The following PCDHA13 variants were observed in gnomAD, a reference collection of about 807,000 sequenced individuals.
The protein encoded by PCDHA13 is protocadherin alpha 13.
A neutral mutation model predicts 64.8 loss-of-function variants in PCDHA13; 54 were observed. The observed-to-expected ratio is 0.83, with a 90% CI of 0.67 to 1.04. The LOEUF (loss-of-function observed/expected upper bound fraction) is 1.04. Ranked by LOEUF, PCDHA13 falls within the 50% of genes least tolerant of loss-of-function variation. PCDHA13 has a pLI of 0.00. For synonymous variants in PCDHA13, 587 were observed against 564.4 expected, an observed-to-expected ratio of 1.04 and a Z score of -0.57; for missense variants, 1,248 against 1,254.3, an observed-to-expected ratio of 0.99 and a Z score of 0.08.
At chr5:140,951,723 A>G (rs1364455679) in intron 1 of PCDHA13, among the ~76,000 whole-genome samples, 3 of 152,104 alleles carry the variant, frequency 2.0e-5, no homozygotes, top group Non-Finnish European at 4.4e-5. Flanking sequence ...GATCCAAACC[A>G]TGTCATTCTG....
intron 1 of PCDHA13, among the ~76,000 whole-genome samples, chr5:140,888,838 A>G (rs2061999996): frequency 6.6e-6 from 1 of 152,078 alleles, no homozygotes; most frequent in East Asian, 1.9e-4. Flanking sequence ...ACTCCACTGC[A>G]GCCTGGTGAC....
At chr5:140,988,634 T>G (rs1405160822) in intron 3 of PCDHA13, among the ~76,000 whole-genome samples, 1 of 152,218 alleles carries the variant, frequency 6.6e-6, no homozygotes, top group Non-Finnish European at 1.5e-5. Flanking sequence ...GTCCTGGTTT[T>G]CTGAAATTAA....
intron 1 of PCDHA13, among the ~76,000 whole-genome samples, chr5:140,962,617 G>A (rs189225320): frequency 3.8e-4 from 58 of 152,276 alleles, no homozygotes; most frequent in Non-Finnish European, 1.9e-4. Context: ...GAGGAAGGGA[G>A]ATGTGAAAAA....
At chr5:140,978,615 T>C in intron 1 of PCDHA13, among the ~76,000 whole-genome samples, 1 of 152,238 alleles carries the variant, frequency 6.6e-6, no homozygotes, top group East Asian at 1.9e-4. Context: ...GCAAAAGCAG[T>C]GAAAGCTTTT....
chr5:140,968,866 A>C, intron 1 of PCDHA13: 1 of 1,614,230 alleles, frequency 6.2e-7, no homozygotes, highest in Non-Finnish European at 8.5e-7. Context: ...GCCCTCGGAC[A>C]TACTCTGAAA....
chr5:140,981,974 A>G (rs782298715), intron 2 of PCDHA13, among the ~76,000 whole-genome samples: 6 of 152,232 alleles, frequency 3.9e-5, no homozygotes, highest in Non-Finnish European at 8.8e-5. Context: ...AGATATAGAA[A>G]GAGTAAAATA....
At chr5:140,941,299 TC>T (rs1554214293) in intron 1 of PCDHA13, among the ~76,000 whole-genome samples, 2 of 144,342 alleles carry the variant, frequency 1.4e-5, no homozygotes, top group African/African-American at 2.5e-5. Context: ...TTTCTTTCTT[TC>T]TTTCTTTTTC....
chr5:140,966,436 G>T, intron 1 of PCDHA13: 1 of 421,750 alleles, frequency 2.4e-6, no homozygotes. Flanking sequence ...CCCTCCTACC[G>T]CTCCCTTTCC....
chr5:140,997,614 A>T (rs1355709943), intron 3 of PCDHA13, among the ~76,000 whole-genome samples: 2 of 152,148 alleles, frequency 1.3e-5, no homozygotes, highest in African/African-American at 4.8e-5. Context: ...GCATGACTAT[A>T]TAGAGATTTT....
chr5:140,926,170 C>T lies in PCDHA13; in HGVS notation c.2394+41508C>T, dbSNP rs558750358. 2.6e-5 allele frequency among the ~76,000 whole-genome samples: 4 copies of T among 151,860 alleles called. No homozygotes were observed. In the South Asian group the frequency reaches 6.6e-4, roughly 25 times the overall value. On this transcript the variant is annotated intron_variant, in intron 1 of 3. Coordinates refer to ENST00000289272, the MANE Select transcript of PCDHA13 (RefSeq NM_018904.3). ...CGGAAAGCTCTGCAGCAGGATCCAG[C>T]GCGGAAAGCCCCCCGCAGCACTTCT...
chr5:140,893,667 A>C (rs564806011), intron 1 of PCDHA13, among the ~76,000 whole-genome samples: 4 of 152,316 alleles, frequency 2.6e-5, no homozygotes, highest in African/African-American at 9.6e-5. Flanking sequence ...AAAAAATTTC[A>C]GCACTTTGGA....
chr5:140,956,194 A>G (rs1370463281), intron 1 of PCDHA13, among the ~76,000 whole-genome samples: 1 of 152,060 alleles, frequency 6.6e-6, no homozygotes, highest in Non-Finnish European at 1.5e-5. Flanking sequence ...GCTGAATAGG[A>G]GTGGTGAAAG....
At chr5:140,903,351 A>G (rs2070226814) in intron 1 of PCDHA13, among the ~76,000 whole-genome samples, 1 of 152,236 alleles carries the variant, frequency 6.6e-6, no homozygotes, top group Non-Finnish European at 1.5e-5. Context: ...TTTAAAAAAC[A>G]AGTTTTTCAA....
chr5:140,967,786 G>A, intron 1 of PCDHA13: 1 of 1,614,216 alleles, frequency 6.2e-7, no homozygotes, highest in East Asian at 2.2e-5. Context: ...CGACTGACCG[G>A]GGTCCAGTGC....
chr5:140,882,543 G>A lies in PCDHA13; in HGVS notation c.275G>A (p.Arg92His). The A allele has an allele frequency of 6.2e-7, 1 of 1,614,236 alleles. No homozygotes were observed. The highest frequency in any genetic ancestry group is 8.5e-7 in the Non-Finnish European group (1 of 1,180,044). Residue 92 changes from arginine (R) to histidine (H), a missense_variant, in exon 1 of 4, where the codon CGC (arginine) becomes CAC (histidine). Arg to His is a conservative substitution (Grantham distance 29). Transcript: ENST00000289272. ...GILFVNSRIDREELCGRSAEC... is the reference protein window; with the variant it reads ...GILFVNSRIDHEELCGRSAEC... ...TTGTTTGTGAATTCTCGGATCGACCGCGAGGAGCTGTGTGGGCGGAGCGCG... is the reference window on the plus strand; with the variant it reads ...TTGTTTGTGAATTCTCGGATCGACCACGAGGAGCTGTGTGGGCGGAGCGCG...
At chr5:140,930,258 ATTTCT>A (rs1398620749) in intron 1 of PCDHA13, 6 of 152,342 alleles carry the variant, frequency 3.9e-5, no homozygotes, top group African/African-American at 1.4e-4. Flanking sequence ...CTTGGATTTA[ATTTCT>A]TTTATTTTAG....
chr5:140,985,401 C>T (rs2097150530), intron 3 of PCDHA13, among the ~76,000 whole-genome samples: 1 of 152,108 alleles, frequency 6.6e-6, no homozygotes, highest in Non-Finnish European at 1.5e-5. Flanking sequence ...CCAACTGTTC[C>T]CCTGGAAATG....
Position 141,009,658 on chromosome 5 carries a change from C to T in PCDHA13, c.2574C>T (p.Val858=), listed in dbSNP as rs571898721. The T allele has an allele frequency of 6.2e-6, 10 of 1,613,948 alleles. No individual in the cohort carries two copies. Among genetic ancestry groups the T allele is most frequent in the South Asian group, 4.4e-5 (4 of 91,030 alleles). The change falls in exon 4 of 4, where the codon GTC becomes GTT. Residue 858 remains valine, a synonymous_variant. Transcript: ENST00000289272. ...EPEAGEVSPP[V]GAGVNSNSWT... ...AGGCAGGAGAAGTGTCCCCTCCAGT[C>T]GGTGCGGGTGTCAACAGCAACAGCT...
chr5:140,889,089 A>G (rs1186785152), intron 1 of PCDHA13, among the ~76,000 whole-genome samples: 2 of 151,884 alleles, frequency 1.3e-5, no homozygotes, highest in Non-Finnish European at 2.9e-5. Flanking sequence ...AATTTTCAAA[A>G]CAATTTTTTC....
Sources: gnomAD v4.1 joint callset for allele counts (sites outside exome capture counted in the v4.1 genomes callset) on GRCh38, gnomAD v4.1.1 for gene constraint, MANE v1.5 for transcripts, NCBI Gene and HGNC (gene_info 2026-07-23, HGNC 2026-07-21) for gene names.